Variants in TCN1 observed in about 807,000 individuals in gnomAD.
TCN1 encodes the protein transcobalamin 1.
TCN1 carries 47 observed loss-of-function variants against 46.3 expected under a neutral mutation model. The ratio of observed to expected loss-of-function variants is 1.01; its 90% CI spans 0.80 to 1.29. The LOEUF (loss-of-function observed/expected upper bound fraction) is 1.29, where lower values mean the gene tolerates loss of function less well. Ranked by LOEUF, TCN1 falls within the 50% of genes most tolerant of loss-of-function variation. The pLI is 0.00. For missense variants in TCN1, 532 were observed against 511.0 expected, an observed-to-expected ratio of 1.04 and a Z score of -0.40; for synonymous variants, 183 against 192.5, an observed-to-expected ratio of 0.95 and a Z score of 0.41.
intron 1 of TCN1, among the ~76,000 whole-genome samples, chr11:59,865,648 A>C (rs1169331821): frequency 6.6e-6 from 1 of 152,154 alleles, no homozygotes; most frequent in Non-Finnish European, 1.5e-5. Context: ...ACTGCACCAG[A>C]CTTCATGAGA....
chr11:59,859,051 G>A, intron 5 of TCN1, 26 bp downstream of exon 5: 7 of 1,607,308 alleles, frequency 4.4e-6, no homozygotes, highest in Non-Finnish European at 5.9e-6. Flanking sequence ...TCCCTTCTCT[G>A]CCTCCTGTTT....
intron 6 of TCN1, 23 bp downstream of exon 6, chr11:59,855,846 T>C: frequency 6.2e-7 from 1 of 1,613,234 alleles, no homozygotes; most frequent in East Asian, 2.2e-5. Context: ...AGCGAAACAG[T>C]GTGCTCTCTT....
Position 59,856,044 on chromosome 11 carries a change from T to C in TCN1, c.762A>G (p.Ser254=), listed in dbSNP as rs1267621061. The C allele has an allele frequency of 1.4e-6, 2 of 1,459,040 alleles. No individual in the cohort carries two copies. The highest frequency in any genetic ancestry group is 1.8e-6 in the Non-Finnish European group (2 of 1,096,216). The allele number at this position is 1,459,040 out of a possible 1,614,324, so 90.4% of individuals were successfully genotyped here. The change falls in exon 6 of 9, where the codon TCA becomes TCG. Residue 254 remains serine (S), a synonymous_variant. Transcript: ENST00000257264. ...AGTCATTTTCATTATAATAGTCTGA[T>C]GATACAAAGAGGGCCTAATGAGGCA... is the stretch of plus-strand genomic sequence containing the variant. ...TGEAMQALFV[S]SDYYNENDWN... is the part of the protein sequence containing the mutation.
intron 4 of TCN1, 124 bp from the exon 5 acceptor site, chr11:59,859,391 G>T: frequency 1.0e-6 from 1 of 995,984 alleles, no homozygotes; most frequent in Non-Finnish European, 1.6e-6. Context: ...AAACTGGGAT[G>T]GTTGGTCATG....
chr11:59,861,800 A>G, intron 3 of TCN1, 118 bp from the exon 4 acceptor site: 1 of 1,193,448 alleles, frequency 8.4e-7, no homozygotes, highest in East Asian at 2.6e-5. Context: ...GGTGGCTAAT[A>G]GAAGGGGGAG....
Position 59,863,952 on chromosome 11 carries a change from T to A in TCN1, c.214A>T (p.Met72Leu), listed in dbSNP as rs372414904. 51 of 1,613,948 alleles carry A rather than the reference T, an allele frequency of 3.2e-5. No individual in the cohort carries two copies. The South Asian group carries it at 4.3e-4, about 14-fold the overall frequency. The change falls in exon 2 of 9, where the codon ATG (methionine) becomes TTG (leucine). Residue 72 changes from methionine (M) to leucine (L), a missense_variant. Met to Leu is a conservative substitution (Grantham distance 15, BLOSUM62 2). Transcript: ENST00000257264. ...TTGATTTGTTGGATCATCTTTTGCATCAGGGTTTGGATCTGGATTCCAACA... is the reference window on the plus strand; with the variant it reads ...TTGATTTGTTGGATCATCTTTTGCAACAGGGTTTGGATCTGGATTCCAACA... ...KLVGIQIQTL[M>L]QKMIQQIKYN...
chr11:59,853,147 C>T lies in TCN1; in HGVS notation c.1240+56G>A, dbSNP rs1444372485. The T allele has an allele frequency of 1.9e-6, 3 of 1,601,268 alleles. No individual in the cohort carries two copies. The East Asian group carries it at 6.7e-5, about 36-fold the overall frequency. On this transcript the variant is annotated intron_variant, in intron 8 of 8. Coordinates refer to ENST00000257264, the MANE Select transcript of TCN1 (RefSeq NM_001062.4). ...GGCCCAATCCCCACAGAGGCTCACA[C>T]CCCTCTCCATTTGGGCATTTTTAGC...
In TCN1 at chr11:59,855,876, A is replaced by C. The variant is rs554381721; in HGVS notation, c.930T>G (p.Ser310=). Residue 310 remains serine, a synonymous_variant, in exon 6 of 9, where the codon TCT becomes TCG. Transcript: ENST00000257264. ...TCTCTTTAATGCTTATACCTGAAGC[A>C]GAGACGCAAGAAGAGTCTTTGTTAA... ...LDINKDSSCV[S]ASGNFNISAD... The C allele has an allele frequency of 5.0e-6, 8 of 1,613,842 alleles. No individual in the cohort carries two copies. The highest frequency in any genetic ancestry group is 3.3e-5 in the Admixed American group (2 of 60,010).
chr11:59,866,418 A>C lies in TCN1; in HGVS notation c.53T>G (p.Ile18Ser). Reference sequence around the variant, plus strand: ...ACAAATCTCGCATAGTTGGCTTGGAATAAAAGAAAACAGTAAGAGCCCCAC... The same window carrying C: ...ACAAATCTCGCATAGTTGGCTTGGACTAAAAGAAAACAGTAAGAGCCCCAC... ...PLVGLLLFSF[I>S]PSQLCEICEV... Residue 18 changes from isoleucine (I) to serine (S), a missense_variant, in exon 1 of 9, where the codon ATT (isoleucine) becomes AGT (serine). By Grantham distance (142) the Ile-to-Ser change is moderately radical. Coordinates refer to ENST00000257264, the MANE Select transcript of TCN1 (RefSeq NM_001062.4). 1 of 1,613,548 alleles carries C rather than the reference A, an allele frequency of 6.2e-7. No homozygotes were observed. The highest frequency in any genetic ancestry group is 8.5e-7 in the Non-Finnish European group (1 of 1,179,522).
intron 5 of TCN1, 27 bp from the exon 6 acceptor site, chr11:59,856,085 G>GGGGGCC: frequency 1.2e-5 from 7 of 585,304 alleles, no homozygotes; most frequent in African/African-American, 2.0e-5. Context: ...GGGTGGGGGG[G>GGGGGCC]TGATGAGAGA....
In TCN1 at chr11:59,859,076, C is replaced by T. The variant is rs768707912; in HGVS notation, c.747+1G>A. On this transcript the variant is annotated splice_donor_variant, in intron 5 of 8. Transcript: ENST00000257264. LOFTEE classifies it high-confidence loss of function. ...GCCTCCTGTTTCACCCTCTGACTTA[C>T]CTGCATGGCTTCTCCTGTGCTAAAT... 63 of 1,612,362 alleles carry T rather than the reference C, an allele frequency of 3.9e-5. No individual in the cohort carries two copies. The highest frequency in any genetic ancestry group is 5.3e-5 in the Non-Finnish European group (63 of 1,179,892).
intron 6 of TCN1, among the ~76,000 whole-genome samples, chr11:59,855,452 A>G (rs893964145): frequency 6.6e-6 from 1 of 152,168 alleles, no homozygotes; most frequent in African/African-American, 2.4e-5. Context: ...AATGCATGCT[A>G]CAATTTTTGA....
chr11:59,863,899 C>T lies in TCN1; in HGVS notation c.259+8G>A. The T allele has an allele frequency of 2.5e-6, 4 of 1,613,624 alleles. No homozygotes were observed. The highest frequency in any genetic ancestry group is 3.4e-6 in the Non-Finnish European group (4 of 1,179,642). ...TTTCTAAATCTTCCAGAATATACAG[C>T]AACTTACATCTGCTTTTCACATTGT... On this transcript the variant is annotated splice_region_variant and intron_variant, in intron 2 of 8. Coordinates refer to ENST00000257264, the MANE Select transcript of TCN1 (RefSeq NM_001062.4).
At chr11:59,854,064 G>C (rs992301458) in intron 7 of TCN1, among the ~76,000 whole-genome samples, 1 of 151,222 alleles carries the variant, frequency 6.6e-6, no homozygotes, top group Non-Finnish European at 1.5e-5. Context: ...GAAAGCGAGG[G>C]CAGGGAGAAG....
chr11:59,859,004 T>TAAA, intron 5 of TCN1, 73 bp downstream of exon 5: 3 of 1,297,878 alleles, frequency 2.3e-6, no homozygotes, highest in Non-Finnish European at 3.2e-6. Context: ...AGCTCCATCT[T>TAAA]AAAAAAAAAA....
At chr11:59,864,179 T>G in intron 1 of TCN1, 93 bp from the exon 2 acceptor site, 3 of 1,436,036 alleles carry the variant, frequency 2.1e-6, no homozygotes, top group South Asian at 1.2e-5. Context: ...GTAACAGATA[T>G]GGCACAGACC....
At position 59,860,078 on chromosome 11, in the gene TCN1, C is replaced by T. The variant is rs117082945; in HGVS notation, c.557-811G>A. ...AAGCAGTTTAGGGTGGGATGTAGCA[C>T]GAATCTCTAAAGCTCTCTTGCTGCT... On this transcript the variant is annotated intron_variant, in intron 4 of 8. Coordinates refer to ENST00000257264, the MANE Select transcript of TCN1 (RefSeq NM_001062.4). Among the ~76,000 whole-genome samples, 600 of 152,254 alleles carry T rather than the reference C, an allele frequency of 3.9e-3. 3 individuals carry two copies. The highest frequency in any genetic ancestry group is 6.6e-3 in the African/African-American group (274 of 41,554).
chr11:59,856,060 TA>T lies in TCN1; in HGVS notation c.748-3del. 1 of 985,258 alleles carries T rather than the reference TA, an allele frequency of 1.0e-6. No individual in the cohort carries two copies. Among genetic ancestry groups the T allele is most frequent in the South Asian group, 1.4e-5 (1 of 72,302 alleles). The allele number at this position is 985,258 out of a possible 1,614,324, so 61.0% of individuals were successfully genotyped here. A position where few individuals can be genotyped will look rare whatever the true frequency, so the allele number is the denominator to read the frequency against. On this transcript the variant is annotated splice_polypyrimidine_tract_variant and splice_region_variant and intron_variant, in intron 5 of 8. Coordinates refer to ENST00000257264, the MANE Select transcript of TCN1 (RefSeq NM_001062.4). Reference sequence around the variant, plus strand: ...ATAGTCTGATGATACAAAGAGGGCCTAATGAGGCAGGGTGGGGTGGGGGGGT... The same window carrying T: ...ATAGTCTGATGATACAAAGAGGGCCTATGAGGCAGGGTGGGGTGGGGGGGT...
intron 5 of TCN1, among the ~76,000 whole-genome samples, chr11:59,858,711 G>A (rs1267941200): frequency 1.3e-5 from 2 of 152,226 alleles, no homozygotes; most frequent in African/African-American, 2.4e-5. Context: ...GCCCACACCT[G>A]TAATCCCAGC....
Sources: gnomAD v4.1 joint callset for allele counts (sites outside exome capture counted in the v4.1 genomes callset) on GRCh38, gnomAD v4.1.1 for gene constraint, MANE v1.5 for transcripts, NCBI Gene and HGNC (gene_info 2026-07-23, HGNC 2026-07-21) for gene names.